Variants in CAPN1 observed in about 807,000 individuals in gnomAD.
The protein encoded by CAPN1 is calpain-1 catalytic subunit.
In CAPN1, 77 loss-of-function variants were observed where a neutral mutation model predicts 105.2. The observed-to-expected ratio is 0.73, with a 90% CI of 0.61 to 0.88. The LOEUF (loss-of-function observed/expected upper bound fraction) is 0.88. Among genes scored for constraint, CAPN1 ranks in the 40% least tolerant of loss-of-function variants. CAPN1 has a pLI of 0.00. For missense variants in CAPN1, 833 were observed against 976.6 expected, an observed-to-expected ratio of 0.85 and a Z score of 1.96; for synonymous variants, 355 against 388.8, an observed-to-expected ratio of 0.91 and a Z score of 1.02.
At position 65,210,937 on chromosome 11, in the gene CAPN1, C is replaced by A; in HGVS notation, c.2118+65C>A. 1.5e-6 allele frequency: 2 copies of A among 1,376,552 alleles called. No homozygotes were observed. Among genetic ancestry groups the A allele is most frequent in the Non-Finnish European group, 2.1e-6 (2 of 964,124 alleles). The allele number at this position is 1,376,552 out of a possible 1,614,324, so 85.3% of individuals were successfully genotyped here. On this transcript the variant is annotated intron_variant, in intron 21 of 21. Coordinates refer to ENST00000279247, the MANE Select transcript of CAPN1 (RefSeq NM_005186.4). This position sits in a 1 kb window ranked among gnomAD's most constrained non-coding sequence, Gnocchi z 4.3. ...AGGCGATCGAATTTTCTTATCTGGCCAGTGTTCCCTGTCCTTTCCTGGAAA... is the reference window on the plus strand; with the variant it reads ...AGGCGATCGAATTTTCTTATCTGGCAAGTGTTCCCTGTCCTTTCCTGGAAA...
intron 10 of CAPN1, among the ~76,000 whole-genome samples, chr11:65,196,224 G>A (rs544104840): frequency 1.3e-5 from 2 of 151,532 alleles, no homozygotes; most frequent in East Asian, 3.9e-4. Context: ...CATGTATTTG[G>A]ACTTTAATCT....
At position 65,183,767 on chromosome 11, in the gene CAPN1, G is replaced by C. The variant is rs147803573; in HGVS notation, c.456+175G>C. 2.2e-3 allele frequency: 1,268 copies of C among 581,538 alleles called. 12 individuals carry two copies. The highest frequency in any genetic ancestry group is 0.019 in the African/African-American group (1,035 of 53,562). The allele number at this position is 581,538 out of a possible 1,614,324, so 36.0% of individuals were successfully genotyped here. ...TGTGTGAAGTGACTGGGCTGGGCAG[G>C]TATTTCGGCTGGCAGTTTTCCTAGG... On this transcript the variant is annotated intron_variant, in intron 4 of 21. Coordinates refer to ENST00000279247, the MANE Select transcript of CAPN1 (RefSeq NM_005186.4).
At chr11:65,187,848 C>T in intron 7 of CAPN1, 107 bp from the exon 8 acceptor site, 1 of 744,040 alleles carries the variant, frequency 1.3e-6, no homozygotes, top group Non-Finnish European at 2.3e-6. Flanking sequence ...GCTGAGATCG[C>T]ACCACTGCAC....
At position 65,210,127 on chromosome 11, in the gene CAPN1, G is replaced by A. The variant is rs375000344; in HGVS notation, c.1942+31G>A. 4 of 1,580,146 alleles carry A rather than the reference G, an allele frequency of 2.5e-6. No individual in the cohort carries two copies. The African/African-American group carries it at 5.4e-5, about 21-fold the overall frequency. ...ACTCCAAGGCTGACGGCACCTGTGG[G>A]GCCCAGGACAGGTAGCCCCACTGCT... On this transcript the variant is annotated intron_variant, in intron 19 of 21. Transcript: ENST00000279247. This position sits in a 1 kb window ranked among gnomAD's most constrained non-coding sequence, Gnocchi z 4.3.
chr11:65,191,598 C>T (rs1948719186), intron 10 of CAPN1, among the ~76,000 whole-genome samples: 3 of 152,120 alleles, frequency 2.0e-5, no homozygotes, highest in Non-Finnish European at 4.4e-5. Flanking sequence ...AGGGTGGTCT[C>T]GAACTCCTGA....
Position 65,210,561 on chromosome 11 carries a change from G to A in CAPN1, c.2059+109G>A. On this transcript the variant is annotated intron_variant, in intron 20 of 21. Transcript: ENST00000279247. This position sits in a 1 kb window ranked among gnomAD's most constrained non-coding sequence, Gnocchi z 4.3. Reference sequence around the variant, plus strand: ...ATTAGCAGATACAGGCCAGTGCTGTGGGTGTGTGCCAGAGAGGCCTGGGTC... The same window carrying A: ...ATTAGCAGATACAGGCCAGTGCTGTAGGTGTGTGCCAGAGAGGCCTGGGTC... The A allele has an allele frequency of 1.3e-6, 1 of 774,212 alleles. No homozygotes were observed. Among genetic ancestry groups the A allele is most frequent in the Middle Eastern group, 2.3e-4 (1 of 4,280 alleles). The allele number at this position is 774,212 out of a possible 1,614,324, so 48.0% of individuals were successfully genotyped here. A position where few individuals can be genotyped will look rare whatever the true frequency, so the allele number is the denominator to read the frequency against.
intron 10 of CAPN1, among the ~76,000 whole-genome samples, chr11:65,198,560 G>GT (rs1015476420): frequency 2.6e-5 from 4 of 151,074 alleles, no homozygotes; most frequent in South Asian, 4.2e-4. Context: ...TAATTCTAAA[G>GT]TTTTTTTTTC....
Position 65,210,346 on chromosome 11 carries a change from C to T in CAPN1, c.1953C>T (p.Leu651=). 1 of 1,611,056 alleles carries T rather than the reference C, an allele frequency of 6.2e-7. No individual in the cohort carries two copies. The highest frequency in any genetic ancestry group is 8.5e-7 in the Non-Finnish European group (1 of 1,177,928). Residue 651 remains leucine (L), a synonymous_variant, in exon 20 of 22, where the codon CTC becomes CTT. Coordinates refer to ENST00000279247, the MANE Select transcript of CAPN1 (RefSeq NM_005186.4). This position sits in a 1 kb window ranked among gnomAD's most constrained non-coding sequence, Gnocchi z 4.3. Reference sequence around the variant, plus strand: ...ACTCTCCTGGACCAGGCTTCAAGCTCAACAAGAAGCTGTACGAGCTCATCA... The same window carrying T: ...ACTCTCCTGGACCAGGCTTCAAGCTTAACAAGAAGCTGTACGAGCTCATCA... ...RMAIESAGFK[L]NKKLYELIIT... is the part of the protein sequence containing the mutation.
chr11:65,209,739 C>A lies in CAPN1; in HGVS notation c.1795-110C>A. 9.4e-7 allele frequency: 1 copy of A among 1,069,310 alleles called. No homozygotes were observed. Among genetic ancestry groups the A allele is most frequent in the Non-Finnish European group, 1.4e-6 (1 of 719,546 alleles). The allele number at this position is 1,069,310 out of a possible 1,614,324, so 66.2% of individuals were successfully genotyped here. A position where few individuals can be genotyped will look rare whatever the true frequency, so the allele number is the denominator to read the frequency against. On this transcript the variant is annotated intron_variant, in intron 17 of 21. Transcript: ENST00000279247. This position sits in a 1 kb window ranked among gnomAD's most constrained non-coding sequence, Gnocchi z 4.1. ...CATGGCTTTTGCTGCTTCTCCTCAC[C>A]CAGCCCCAAGTCGACTTGCCGGCTC...
rs1220727145 is a variant in CAPN1 at position 65,209,924 on chromosome 11, T to G, written c.1863+7T>G. ...CCGCATCCGGAATTACCTGGTAGGT[T>G]GTCCCCACTCACCTCAGTCATGCAG... On this transcript the variant is annotated splice_region_variant and intron_variant, in intron 18 of 21. Transcript: ENST00000279247. This position sits in a 1 kb window ranked among gnomAD's most constrained non-coding sequence, Gnocchi z 4.1. 6.2e-7 allele frequency: 1 copy of G among 1,613,590 alleles called. No homozygotes were observed. Among genetic ancestry groups the G allele is most frequent in the Non-Finnish European group, 8.5e-7 (1 of 1,179,824 alleles).
In CAPN1 at chr11:65,209,760, G is replaced by A. The variant is rs940222842; in HGVS notation, c.1795-89G>A. ...TCACCCAGCCCCAAGTCGACTTGCC[G>A]GCTCGGCGGCCATCTCCCCTTCTGC... On this transcript the variant is annotated intron_variant, in intron 17 of 21. Coordinates refer to ENST00000279247, the MANE Select transcript of CAPN1 (RefSeq NM_005186.4). This position sits in a 1 kb window ranked among gnomAD's most constrained non-coding sequence, Gnocchi z 4.1. 1.9e-5 allele frequency: 25 copies of A among 1,329,378 alleles called. No homozygotes were observed. The highest frequency in any genetic ancestry group is 1.6e-4 in the African/African-American group (11 of 68,976). 82.3% of individuals were successfully genotyped at this position (1,329,378 alleles called of 1,614,324 possible).
chr11:65,204,577 T>G, intron 10 of CAPN1, 106 bp from the exon 11 acceptor site: 1 of 1,014,860 alleles, frequency 9.9e-7, no homozygotes, highest in Non-Finnish European at 1.5e-6. Context: ...TCAATAATAT[T>G]TGTTGAATGA....
chr11:65,208,028 ACCTGCTTTCTC>A lies in CAPN1; in HGVS notation c.1606-24_1606-14del. 1 of 1,562,700 alleles carries A rather than the reference ACCTGCTTTCTC, an allele frequency of 6.4e-7. No homozygotes were observed. Among genetic ancestry groups the A allele is most frequent in the Non-Finnish European group, 8.7e-7 (1 of 1,152,708 alleles). The stretch of plus-strand genomic sequence containing the variant: ...CACGGGCAGGGCCGGGGCCTCTCTT[ACCTGCTTTCTC>A]CCCTTCTCGGTCCAGCAAGTGCTCT... On this transcript the variant is annotated splice_polypyrimidine_tract_variant and intron_variant, in intron 14 of 21. Transcript: ENST00000279247. This position sits in a 1 kb window ranked among gnomAD's most constrained non-coding sequence, Gnocchi z 4.1.
chr11:65,210,261 G>A lies in CAPN1; in HGVS notation c.1943-75G>A. 1 of 1,235,542 alleles carries A rather than the reference G, an allele frequency of 8.1e-7. No individual in the cohort carries two copies. Among genetic ancestry groups the A allele is most frequent in the Non-Finnish European group, 1.2e-6 (1 of 852,348 alleles). 76.5% of individuals were successfully genotyped at this position (1,235,542 alleles called of 1,614,324 possible). A position where few individuals can be genotyped will look rare whatever the true frequency, so the allele number is the denominator to read the frequency against. On this transcript the variant is annotated intron_variant, in intron 19 of 21. Transcript: ENST00000279247. This position sits in a 1 kb window ranked among gnomAD's most constrained non-coding sequence, Gnocchi z 4.3. ...CCCTGCCTAGCCCCAGCCCCCTCCT[G>A]GGGACCCAACCCCTCCCCCATCCTG...
chr11:65,210,314 T>A lies in CAPN1; in HGVS notation c.1943-22T>A. On this transcript the variant is annotated intron_variant, in intron 19 of 21. Transcript: ENST00000279247. This position sits in a 1 kb window ranked among gnomAD's most constrained non-coding sequence, Gnocchi z 4.3. ...GGGCAGGGGCTGCGCCTCACTGACC[T>A]TCACTCACTCTCCTGGACCAGGCTT... 6.4e-7 allele frequency: 1 copy of A among 1,558,160 alleles called. No individual in the cohort carries two copies. The highest frequency in any genetic ancestry group is 1.1e-5 in the South Asian group (1 of 88,792).
chr11:65,202,951 A>G (rs909879650), intron 10 of CAPN1, among the ~76,000 whole-genome samples: 5 of 152,054 alleles, frequency 3.3e-5, no homozygotes, highest in African/African-American at 9.7e-5. Context: ...GGATTTGCCT[A>G]CTGGGATATT....
chr11:65,190,095 C>T (rs944849379), intron 10 of CAPN1, among the ~76,000 whole-genome samples: 1 of 152,230 alleles, frequency 6.6e-6, no homozygotes, highest in South Asian at 2.1e-4. Flanking sequence ...AAAGCATTTG[C>T]TCCTTCATCT....
chr11:65,185,672 T>C (rs1263549000), intron 4 of CAPN1, among the ~76,000 whole-genome samples: 1 of 150,748 alleles, frequency 6.6e-6, no homozygotes, highest in Non-Finnish European at 1.5e-5. Flanking sequence ...CATACATGTA[T>C]CTAGAGGTAC....
chr11:65,188,605 A>G lies in CAPN1; in HGVS notation c.1024A>G (p.Met342Val). Residue 342 changes from methionine (M) to valine (V), a missense_variant, in exon 10 of 22, where the codon ATG (methionine) becomes GTG (valine). Physicochemically the swap from Met to Val is conservative, Grantham distance 21. Coordinates refer to ENST00000279247, the MANE Select transcript of CAPN1 (RefSeq NM_005186.4). The surrounding 1 kb of genome is among the most constrained non-coding windows in gnomAD (Gnocchi z 5.5). Reference protein sequence around the residue: ...GEFWMSFRDFMREFTRLEICN... With the variant: ...GEFWMSFRDFVREFTRLEICN... ...CCTCAGGATGTCATTCCGAGACTTC[A>G]TGCGGGAGTTCACCCGCCTGGAGAT... The G allele has an allele frequency of 1.2e-6, 2 of 1,613,902 alleles. No homozygotes were observed. Among genetic ancestry groups the G allele is most frequent in the Non-Finnish European group, 1.7e-6 (2 of 1,179,868 alleles).
Sources: gnomAD v4.1 joint callset for allele counts (sites outside exome capture counted in the v4.1 genomes callset) on GRCh38, gnomAD v4.1.1 for gene constraint, Gnocchi (gnomAD v3.1) non-coding constraint, MANE v1.5 for transcripts, NCBI Gene and HGNC (gene_info 2026-07-23, HGNC 2026-07-21) for gene names.